The following GPC6 variants were observed in gnomAD, a reference collection of about 807,000 sequenced individuals.
GPC6 encodes the protein glypican 6.
GPC6 carries 14 observed loss-of-function variants against 55.2 expected under a neutral mutation model. That is an observed-to-expected ratio of 0.25 (90% CI 0.17 to 0.40). The LOEUF is 0.40. GPC6 is among the 10% of genes least tolerant of loss of function. The probability of loss-of-function intolerance (pLI) is 1.00; values close to 1 mark genes in which losing one functional copy is unlikely to be tolerated. For synonymous variants in GPC6, 278 were observed against 259.6 expected, an observed-to-expected ratio of 1.07 and a Z score of -0.68; for missense variants, 641 against 708.5, an observed-to-expected ratio of 0.90 and a Z score of 1.08.
chr13:93,479,617 C>CA (rs1555303827), intron 1 of GPC6, among the ~76,000 whole-genome samples: 3 of 145,498 alleles, frequency 2.1e-5, no homozygotes, highest in Non-Finnish European at 4.6e-5. Context: ...GACCCCCCCC[C>CA]ATCTCTACTA....
intron 6 of GPC6, among the ~76,000 whole-genome samples, chr13:94,351,962 C>CAAAAAAAAAAAAAAAAAAAAAAAAAAAA (rs60206836): frequency 5.9e-5 from 6 of 101,542 alleles, no homozygotes; most frequent in South Asian, 6.7e-4. Flanking sequence ...GAGAAGAAGG[C>CAAAAAAAAAAAAAAAAAAAAAAAAAAAA]AAAAAAAAAA....
chr13:93,412,769 T>A (rs534049144), intron 1 of GPC6, among the ~76,000 whole-genome samples: 1 of 152,296 alleles, frequency 6.6e-6, no homozygotes, highest in African/African-American at 2.4e-5. Context: ...AATCAAGCAT[T>A]ATGTGTAAAA....
At chr13:94,314,218 A>C (rs980827271) in intron 6 of GPC6, among the ~76,000 whole-genome samples, 2 of 152,228 alleles carry the variant, frequency 1.3e-5, no homozygotes, top group Non-Finnish European at 2.9e-5. Context: ...GCATACAATA[A>C]GTGGGAGTTT....
At chr13:93,379,011 C>T (rs997709049) in intron 1 of GPC6, among the ~76,000 whole-genome samples, 6 of 140,962 alleles carry the variant, frequency 4.3e-5, no homozygotes, top group Non-Finnish European at 8.0e-5. Context: ...AAAAAAAAAT[C>T]AGCATAAAGG....
At chr13:94,015,181 A>G (rs1882411964) in intron 3 of GPC6, among the ~76,000 whole-genome samples, 1 of 152,212 alleles carries the variant, frequency 6.6e-6, no homozygotes, top group African/African-American at 2.4e-5. Context: ...CAATGTCTTC[A>G]CATGTACACC....
intron 1 of GPC6, among the ~76,000 whole-genome samples, chr13:93,249,606 C>T (rs949185499): frequency 1.3e-5 from 2 of 152,114 alleles, no homozygotes; most frequent in African/African-American, 4.8e-5. Flanking sequence ...GGAGGTTTTT[C>T]CATTTTAAAA....
At chr13:94,143,973 CATT>C (rs906729540) in intron 4 of GPC6, among the ~76,000 whole-genome samples, 1 of 152,174 alleles carries the variant, frequency 6.6e-6, no homozygotes, top group Non-Finnish European at 1.5e-5. Context: ...GGTTTCAACA[CATT>C]ATAGCTTTAT....
chr13:93,826,093 C>A (rs938290945), intron 2 of GPC6, among the ~76,000 whole-genome samples: 5 of 151,928 alleles, frequency 3.3e-5, no homozygotes, highest in Non-Finnish European at 7.4e-5. Flanking sequence ...CTCCTGACCT[C>A]AGGTGATCTG....
At chr13:93,975,147 C>T (rs986942828) in intron 3 of GPC6, among the ~76,000 whole-genome samples, 3 of 152,140 alleles carry the variant, frequency 2.0e-5, no homozygotes, top group Non-Finnish European at 4.4e-5. Flanking sequence ...CACCAGTTGT[C>T]TCTGATGCAT....
At chr13:93,310,772 CT>C (rs1252101810) in intron 1 of GPC6, among the ~76,000 whole-genome samples, 1 of 152,160 alleles carries the variant, frequency 6.6e-6, no homozygotes, top group Non-Finnish European at 1.5e-5. Context: ...GCATTGTGCG[CT>C]GTTGTAACTA....
chr13:93,250,707 G>A (rs1233217245), intron 1 of GPC6, among the ~76,000 whole-genome samples: 1 of 152,148 alleles, frequency 6.6e-6, no homozygotes, highest in African/African-American at 2.4e-5. Flanking sequence ...CCCTAAAGTT[G>A]GTCCAGGTAG....
intron 3 of GPC6, among the ~76,000 whole-genome samples, chr13:93,944,164 C>A (rs557538018): frequency 6.7e-6 from 1 of 149,124 alleles, no homozygotes; most frequent in African/African-American, 2.5e-5. Context: ...CAGTTTCTTC[C>A]TTTTATTTTA....
At chr13:93,279,922 T>C (rs1325317724) in intron 1 of GPC6, among the ~76,000 whole-genome samples, 1 of 152,206 alleles carries the variant, frequency 6.6e-6, no homozygotes, top group Non-Finnish European at 1.5e-5. Flanking sequence ...GTGATCTGTG[T>C]AAATTTCACA....
intron 3 of GPC6, among the ~76,000 whole-genome samples, chr13:93,846,347 CTTA>C (rs1888179552): frequency 6.6e-6 from 1 of 152,178 alleles, no homozygotes; most frequent in African/African-American, 2.4e-5. Context: ...TATCATTCCA[CTTA>C]TTATATAAGA....
intron 2 of GPC6, among the ~76,000 whole-genome samples, chr13:93,611,394 A>G (rs778820514): frequency 2.4e-4 from 37 of 152,106 alleles, no homozygotes; most frequent in Admixed American, 5.2e-4. Context: ...CATATCACCT[A>G]AAGATTAATA....
At chr13:93,712,440 GT>G (rs1033945841) in intron 2 of GPC6, among the ~76,000 whole-genome samples, 16 of 151,602 alleles carry the variant, frequency 1.1e-4, no homozygotes, top group Admixed American at 9.9e-4. Flanking sequence ...GTCCTCACCT[GT>G]CCCCTGTGTA....
intron 4 of GPC6, among the ~76,000 whole-genome samples, chr13:94,150,785 C>A (rs1193127414): frequency 1.9e-5 from 2 of 106,614 alleles, no homozygotes; most frequent in Non-Finnish European, 3.9e-5. Flanking sequence ...TAAGTAGGAT[C>A]AAATGAAGCA....
chr13:94,172,943 G>A (rs1014460092), intron 4 of GPC6, among the ~76,000 whole-genome samples: 1 of 152,088 alleles, frequency 6.6e-6, no homozygotes, highest in African/African-American at 2.4e-5. Flanking sequence ...ATCTATAAGG[G>A]GCACACATGA....
chr13:93,900,649 A>G (rs1876293100), intron 3 of GPC6, among the ~76,000 whole-genome samples: 1 of 152,142 alleles, frequency 6.6e-6, no homozygotes, highest in African/African-American at 2.4e-5. Context: ...TTACTTATTC[A>G]AAAGTATTAT....
Sources: allele counts gnomAD v4.1 joint callset (sites outside exome capture counted in the v4.1 genomes callset), GRCh38; gene constraint gnomAD v4.1.1; transcripts MANE v1.5; gene names NCBI Gene and HGNC (gene_info 2026-07-23, HGNC 2026-07-21).